Variants in SPIRE1 observed in about 807,000 individuals in gnomAD.
SPIRE1 encodes the protein protein spire homolog 1.
SPIRE1 carries 40 observed loss-of-function variants against 94.1 expected under a neutral mutation model. That is an observed-to-expected ratio of 0.43 (90% CI 0.33 to 0.55). The LOEUF (loss-of-function observed/expected upper bound fraction) is 0.55, where lower values mean the gene tolerates loss of function less well. Among genes scored for constraint, SPIRE1 ranks in the 20% least tolerant of loss-of-function variants. SPIRE1 has a pLI of 0.06. For synonymous variants in SPIRE1, 376 were observed against 371.7 expected, an observed-to-expected ratio of 1.01 and a Z score of -0.13; for missense variants, 838 against 975.2, an observed-to-expected ratio of 0.86 and a Z score of 1.87.
Position 12,506,501 on chromosome 18 carries a change from T to C in SPIRE1, c.948A>G (p.Lys316=), listed in dbSNP as rs2033838477. ...CCATCACTTTTCGCAAGGTGTATCT[T>C]TTGCAGCGAATGTCATCCATTAACA... ...YEMLMDDIRC[K]RYTLRKVMVN... is the part of the protein sequence containing the mutation. Residue 316 remains lysine, a synonymous_variant, in exon 6 of 17, where the codon AAA becomes AAG. Transcript: ENST00000409402. The C allele has an allele frequency of 1.2e-6, 2 of 1,613,910 alleles. No homozygotes were observed. Among genetic ancestry groups the C allele is most frequent in the Non-Finnish European group, 1.7e-6 (2 of 1,180,006 alleles).
intron 10 of SPIRE1, among the ~76,000 whole-genome samples, chr18:12,471,807 G>A (rs1340462257): frequency 1.3e-5 from 2 of 151,926 alleles, no homozygotes; most frequent in Non-Finnish European, 1.5e-5. Flanking sequence ...TTTTTTTGGA[G>A]AGAGTCTTGC....
chr18:12,536,571 T>C, intron 3 of SPIRE1, among the ~76,000 whole-genome samples: 1 of 150,706 alleles, frequency 6.6e-6, no homozygotes, highest in Non-Finnish European at 1.5e-5. Flanking sequence ...GCCTCATCAG[T>C]AGATGGGGAG....
chr18:12,575,038 G>A (rs1044133412), intron 2 of SPIRE1, among the ~76,000 whole-genome samples: 1 of 152,162 alleles, frequency 6.6e-6, no homozygotes, highest in African/African-American at 2.4e-5. Flanking sequence ...AAAATTCAAT[G>A]AAGAAAAGGG....
At chr18:12,516,165 G>A (rs2034189071) in intron 4 of SPIRE1, 1 of 152,126 alleles carries the variant, frequency 6.6e-6, no homozygotes, top group South Asian at 2.1e-4. Context: ...TTTCAAGAAA[G>A]CCTCCCTGCT....
At chr18:12,521,326 A>G (rs2144097758) in intron 4 of SPIRE1, among the ~76,000 whole-genome samples, 1 of 150,738 alleles carries the variant, frequency 6.6e-6, no homozygotes, top group East Asian at 1.9e-4. Flanking sequence ...TTTGTTGTAC[A>G]TAGCAGATAC....
rs147280827 is a variant in SPIRE1, at chr18:12,539,371, G to A, written c.604-3770C>T. Among the ~76,000 whole-genome samples the A allele has an allele frequency of 1.1e-3, 174 of 152,228 alleles. 1 individual carries two copies. The highest frequency in any genetic ancestry group is 3.8e-3 in the African/African-American group (158 of 41,538). ...GCCTGCTGCCAGCGATGTAAGACAT[G>A]ACTTGCTCCTCCTTGACTTCCGCCA... On this transcript the variant is annotated intron_variant, in intron 3 of 16. Coordinates refer to ENST00000409402, the MANE Select transcript of SPIRE1 (RefSeq NM_001128626.2).
chr18:12,561,493 C>T (rs938854946), intron 2 of SPIRE1, among the ~76,000 whole-genome samples: 20 of 151,946 alleles, frequency 1.3e-4, no homozygotes, highest in African/African-American at 4.6e-4. Context: ...CTCGAACTCC[C>T]GACCTCAGGT....
intron 4 of SPIRE1, among the ~76,000 whole-genome samples, chr18:12,514,912 C>G (rs1281296940): frequency 6.6e-6 from 1 of 152,130 alleles, no homozygotes; most frequent in Non-Finnish European, 1.5e-5. Flanking sequence ...TTAAACAGGT[C>G]AACAAGATTC....
At chr18:12,515,017 G>C (rs960143633) in intron 4 of SPIRE1, among the ~76,000 whole-genome samples, 1 of 152,074 alleles carries the variant, frequency 6.6e-6, no homozygotes, top group Non-Finnish European at 1.5e-5. Flanking sequence ...CCTTTCCTTA[G>C]ACATAATGGA....
At chr18:12,648,481 C>T (rs967041251) in intron 1 of SPIRE1, among the ~76,000 whole-genome samples, 1 of 151,984 alleles carries the variant, frequency 6.6e-6, no homozygotes, top group African/African-American at 2.4e-5. Flanking sequence ...AAATAGCTGA[C>T]CAGTACTTGC....
At chr18:12,591,650 A>G (rs1198174403) in intron 2 of SPIRE1, among the ~76,000 whole-genome samples, 3 of 152,188 alleles carry the variant, frequency 2.0e-5, no homozygotes, top group Admixed American at 2.0e-4. Context: ...AATCAAAGGC[A>G]ACTTCAAGGT....
At chr18:12,485,890 T>G (rs570905863) in intron 9 of SPIRE1, 69 bp downstream of exon 9, 6 of 1,146,372 alleles carry the variant, frequency 5.2e-6, no homozygotes, top group Non-Finnish European at 7.6e-6. Context: ...AACAAGCAGA[T>G]GAATGAAATG....
chr18:12,635,750 G>A lies in SPIRE1; in HGVS notation c.338-654C>T, dbSNP rs562821359. On this transcript the variant is annotated intron_variant, in intron 1 of 16. Coordinates refer to ENST00000409402, the MANE Select transcript of SPIRE1 (RefSeq NM_001128626.2). Reference sequence around the variant, plus strand: ...GAACAATTAATACATTTCTGTCAATGTCGCTGACAAAAACATACTTCTTAA... The same window carrying A: ...GAACAATTAATACATTTCTGTCAATATCGCTGACAAAAACATACTTCTTAA... 2.0e-5 allele frequency among the ~76,000 whole-genome samples: 3 copies of A among 152,204 alleles called. No homozygotes were observed. The South Asian group carries it at 6.2e-4, about 32-fold the overall frequency.
intron 1 of SPIRE1, among the ~76,000 whole-genome samples, chr18:12,654,305 C>T (rs376943087): frequency 6.9e-6 from 1 of 144,500 alleles, no homozygotes; most frequent in African/African-American, 2.6e-5. Flanking sequence ...CCACTGCACT[C>T]CAGCCTGGGC....
At chr18:12,575,868 T>C (rs1399834651) in intron 2 of SPIRE1, among the ~76,000 whole-genome samples, 1 of 152,206 alleles carries the variant, frequency 6.6e-6, no homozygotes, top group Non-Finnish European at 1.5e-5. Flanking sequence ...AATCTTAAAA[T>C]CCTAGTTAAG....
intron 3 of SPIRE1, among the ~76,000 whole-genome samples, chr18:12,538,596 C>T (rs1347284934): frequency 6.6e-6 from 1 of 152,102 alleles, no homozygotes; most frequent in East Asian, 1.9e-4. Context: ...CCAGGCCAGC[C>T]CTTTATGTTA....
chr18:12,535,462 G>A lies in SPIRE1; in HGVS notation c.729+14C>T. 6.2e-7 allele frequency: 1 copy of A among 1,602,962 alleles called. No homozygotes were observed. Among genetic ancestry groups the A allele is most frequent in the Non-Finnish European group, 8.5e-7 (1 of 1,172,820 alleles). On this transcript the variant is annotated intron_variant, in intron 4 of 16. Coordinates refer to ENST00000409402, the MANE Select transcript of SPIRE1 (RefSeq NM_001128626.2). ...TCAAACAATGCCAATAAATATCAAA[G>A]CAGTAGTACTCACCTCTTTCGCACT... is the stretch of plus-strand genomic sequence containing the variant.
At chr18:12,598,729 G>T (rs993402564) in intron 2 of SPIRE1, among the ~76,000 whole-genome samples, 5 of 152,098 alleles carry the variant, frequency 3.3e-5, no homozygotes, top group Non-Finnish European at 5.9e-5. Context: ...TCAAGAGGAA[G>T]TGGCTGCTGG....
rs59048210 is a variant in SPIRE1, at chr18:12,646,464, A to G, written c.337+11066T>C. 1.2e-4 allele frequency among the ~76,000 whole-genome samples: 18 copies of G among 152,228 alleles called. No individual in the cohort carries two copies. The East Asian group carries it at 3.5e-3, about 29-fold the overall frequency. ...GCACAGTGCACTTAGAAGGCACTCA[A>G]ATATTGGTGAAATGAATACATGAAA... On this transcript the variant is annotated intron_variant, in intron 1 of 16. Transcript: ENST00000409402.
Sources: allele counts gnomAD v4.1 joint callset (sites outside exome capture counted in the v4.1 genomes callset), GRCh38; gene constraint gnomAD v4.1.1; transcripts MANE v1.5; gene names NCBI Gene and HGNC (gene_info 2026-07-23, HGNC 2026-07-21).